KPNA7: variants seen among roughly 807,000 people sequenced by gnomAD.
KPNA7 encodes karyopherin subunit alpha 7.
A neutral mutation model predicts 53.7 loss-of-function variants in KPNA7; 54 were observed. The observed-to-expected ratio is 1.01, with a 90% CI of 0.81 to 1.26. The LOEUF (loss-of-function observed/expected upper bound fraction) is 1.26, where lower values mean the gene tolerates loss of function less well. KPNA7 is among the 50% of genes most tolerant of loss of function. KPNA7 has a pLI of 0.00. For synonymous variants in KPNA7, 276 were observed against 259.3 expected (o/e 1.06, Z -0.62); for missense variants, 640 against 644.5 (o/e 0.99, Z 0.07).
intron 9 of KPNA7, among the ~76,000 whole-genome samples, chr7:99,178,540 C>A (rs1212709852): frequency 1.3e-5 from 2 of 151,828 alleles, no homozygotes; most frequent in Non-Finnish European, 2.9e-5. Flanking sequence ...TGCACTCCAG[C>A]CTGGATGACA....
upstream of KPNA7, among the ~76,000 whole-genome samples, chr7:99,209,184 T>C (rs551970143): frequency 6.6e-6 from 1 of 151,688 alleles, no homozygotes; most frequent in East Asian, 2.0e-4. Context: ...TTTCACACGG[T>C]GTGTCTGAGG....
At chr7:99,172,145 T>G (rs1023533032), downstream of KPNA7, among the ~76,000 whole-genome samples, 2 of 152,210 alleles carry the variant, frequency 1.3e-5, no homozygotes, top group Admixed American at 6.5e-5. Context: ...ATTAGATATC[T>G]ACGATGCGAA....
intron 4 of KPNA7, 36 bp downstream of exon 4, chr7:99,196,048 A>G: frequency 1.3e-6 from 2 of 1,522,540 alleles, no homozygotes; most frequent in Middle Eastern, 1.7e-4. Context: ...ATTGCTAACT[A>G]TGAACCTGCA....
intron 8 of KPNA7, among the ~76,000 whole-genome samples, chr7:99,183,806 C>T (rs1789418237): frequency 1.3e-5 from 2 of 152,144 alleles, no homozygotes; most frequent in African/African-American, 4.8e-5. Context: ...ATAGTCATTG[C>T]TCCTGCAAAA....
chr7:99,214,712 G>A (rs191343827), intron 1 of KPNA7, among the ~76,000 whole-genome samples: 9 of 12,112 alleles, frequency 7.4e-4, no homozygotes, highest in African/African-American at 1.8e-3. Flanking sequence ...GGAGGTAGGG[G>A]AGGGGAGGGG....
chr7:99,198,355 T>G (rs1355020897), intron 3 of KPNA7, among the ~76,000 whole-genome samples: 1 of 152,092 alleles, frequency 6.6e-6, no homozygotes, highest in Admixed American at 6.6e-5. Flanking sequence ...CCCTTATAAC[T>G]ACTGATGCAA....
chr7:99,170,148 A>G (rs1798746392), downstream of KPNA7, among the ~76,000 whole-genome samples: 3 of 152,282 alleles, frequency 2.0e-5, no homozygotes, highest in South Asian at 2.1e-4. Context: ...TCACAGCCTG[A>G]GGACCTTTCT....
chr7:99,192,709 T>C (rs1790017775), intron 6 of KPNA7, among the ~76,000 whole-genome samples: 1 of 152,212 alleles, frequency 6.6e-6, no homozygotes, highest in Non-Finnish European at 1.5e-5. Context: ...ATGCCCAGTC[T>C]TGAGCCTTGT....
At chr7:99,146,429 G>A in the KPNA7 span, among the ~76,000 whole-genome samples, 6 of 151,928 alleles carry the variant, frequency 3.9e-5, no homozygotes, top group Non-Finnish European at 7.4e-5. Flanking sequence ...ATGCATTTGC[G>A]GAGGCCGGGC....
At chr7:99,197,515 C>T (rs1427311973) in intron 3 of KPNA7, among the ~76,000 whole-genome samples, 3 of 152,070 alleles carry the variant, frequency 2.0e-5, no homozygotes, top group Admixed American at 2.0e-4. Context: ...CTGAGGAGAC[C>T]AGATGTTGAA....
intron 10 of KPNA7, among the ~76,000 whole-genome samples, chr7:99,174,169 C>T (rs1798824227): frequency 6.6e-6 from 1 of 152,160 alleles, no homozygotes; most frequent in Non-Finnish European, 1.5e-5. Flanking sequence ...GTCAGACCAG[C>T]AGCAGCATTA....
intron 10 of KPNA7, among the ~76,000 whole-genome samples, chr7:99,176,776 G>A (rs1276711754): frequency 1.3e-5 from 2 of 152,142 alleles, no homozygotes; most frequent in Non-Finnish European, 2.9e-5. Flanking sequence ...CTACTTGGGA[G>A]CCTGAGGTGG....
At chr7:99,151,655 C>G in the KPNA7 span, among the ~76,000 whole-genome samples, 1 of 151,882 alleles carries the variant, frequency 6.6e-6, no homozygotes, top group African/African-American at 2.4e-5. Flanking sequence ...CAGGTTCTCC[C>G]TATGTTGCCC....
At chr7:99,192,562 G>A (rs1210762846) in intron 6 of KPNA7, among the ~76,000 whole-genome samples, 4 of 152,082 alleles carry the variant, frequency 2.6e-5, no homozygotes, top group Admixed American at 6.6e-5. Context: ...ACAGGTGTAC[G>A]CTACCATGCT....
chr7:99,184,964 C>T lies in KPNA7; in HGVS notation c.1099G>A (p.Asp367Asn), dbSNP rs189459767. The change falls in exon 8 of 11, where the codon GAC becomes AAC. Residue 367 changes from aspartate (D) to asparagine (N), a missense_variant. Coordinates refer to ENST00000327442, the MANE Select transcript of KPNA7 (RefSeq NM_001145715.3). ...AGAGCCACCAAGGGAGGCAAGACGT[C>T]GTAGGCAAGCAGCTGCTGGATGTGG... ...CHHIQQLLAYDVLPPLVALLK... is the reference protein window; with the variant it reads ...CHHIQQLLAYNVLPPLVALLK... The T allele has an allele frequency of 1.5e-5, 24 of 1,552,052 alleles. No individual in the cohort carries two copies. The highest frequency in any genetic ancestry group is 1.1e-4 in the African/African-American group (8 of 73,166).
chr7:99,203,633 A>G (rs34250243), intron 2 of KPNA7, among the ~76,000 whole-genome samples: 12,044 of 151,962 alleles, frequency 0.079, 509 homozygotes, highest in South Asian at 0.15. Flanking sequence ...GCTAGGATAG[A>G]TGGTGTTGGG....
At chr7:99,162,594 T>C in the KPNA7 span, among the ~76,000 whole-genome samples, 3 of 152,096 alleles carry the variant, frequency 2.0e-5, no homozygotes, top group African/African-American at 4.8e-5. Context: ...TAAACCTTGC[T>C]AGGCAAGTCA....
At chr7:99,168,850 A>G (rs1353134600), downstream of KPNA7, among the ~76,000 whole-genome samples, 2 of 152,106 alleles carry the variant, frequency 1.3e-5, no homozygotes, top group African/African-American at 4.8e-5. Context: ...AAAGAACTTT[A>G]AAGTACATCT....
At chr7:99,197,135 A>G (rs1790270044) in intron 3 of KPNA7, among the ~76,000 whole-genome samples, 1 of 152,322 alleles carries the variant, frequency 6.6e-6, no homozygotes, top group African/African-American at 2.4e-5. Flanking sequence ...AGAATTGTCA[A>G]CTGCCTGGCT....
Sources: gnomAD v4.1 joint callset for allele counts (sites outside exome capture counted in the v4.1 genomes callset) on GRCh38, gnomAD v4.1.1 for gene constraint, MANE v1.5 for transcripts, NCBI Gene and HGNC (gene_info 2026-07-23, HGNC 2026-07-21) for gene names.